RGL3: variants seen among roughly 807,000 people sequenced by gnomAD.
The protein encoded by RGL3 is ral guanine nucleotide dissociation stimulator like 3, also known as ral guanine nucleotide dissociation stimulator-like 3.
A neutral mutation model predicts 90.6 loss-of-function variants in RGL3; 85 were observed. The ratio of observed to expected loss-of-function variants is 0.94; its 90% CI spans 0.79 to 1.12. The LOEUF (loss-of-function observed/expected upper bound fraction) is 1.12, where lower values mean the gene tolerates loss of function less well. RGL3 is among the 50% of genes most tolerant of loss of function. The pLI, the probability that RGL3 is intolerant of heterozygous loss-of-function variation, is 0.00. For synonymous variants in RGL3, 408 were observed against 385.5 expected, an observed-to-expected ratio of 1.06 and a Z score of -0.68; for missense variants, 1,034 against 939.2, an observed-to-expected ratio of 1.10 and a Z score of -1.32.
chr19:11,395,637 C>A (rs1041211237), intron 18 of RGL3, among the ~76,000 whole-genome samples: 1 of 151,210 alleles, frequency 6.6e-6, no homozygotes, highest in Non-Finnish European at 1.5e-5. Context: ...TCTATTTTTT[C>A]TTTTTTTTTG....
rs1015232392 is a variant in RGL3 at position 11,406,531 on chromosome 19, A to G, written c.884T>C (p.Val295Ala). 6.4e-6 allele frequency: 10 copies of G among 1,550,540 alleles called. No homozygotes were observed. The highest frequency in any genetic ancestry group is 1.7e-4 in the Middle Eastern group (1 of 5,882). ...GCCGGTCACGGTGTTGAACTGGGCCACGGTGGCGCGCACAGTGGGGGAGGC... is the reference window on the plus strand; with the variant it reads ...GCCGGTCACGGTGTTGAACTGGGCCGCGGTGGCGCGCACAGTGGGGGAGGC... ...AGASPTVRATVAQFNTVTGCV... is the reference protein window; with the variant it reads ...AGASPTVRATAAQFNTVTGCV... Residue 295 changes from valine to alanine, a missense_variant, in exon 7 of 19, where the codon GTG becomes GCG. Transcript: ENST00000380456.
chr19:11,418,610 C>T (rs371834120), intron 2 of RGL3, 61 bp downstream of exon 2: 1 of 1,362,140 alleles, frequency 7.3e-7, no homozygotes, highest in Non-Finnish European at 1.0e-6. Context: ...GCTCGGCTCT[C>T]CAGCTCCGCC....
chr19:11,395,720 T>C (rs1968552840), intron 18 of RGL3, among the ~76,000 whole-genome samples: 1 of 151,922 alleles, frequency 6.6e-6, no homozygotes, highest in African/African-American at 2.4e-5. Flanking sequence ...CTTCACCTCC[T>C]GGGTTCAAGT....
In RGL3 at chr19:11,397,293, C is replaced by T; in HGVS notation, c.1965G>A (p.Gln655=). The T allele has an allele frequency of 6.2e-7, 1 of 1,613,382 alleles. No individual in the cohort carries two copies. The highest frequency in any genetic ancestry group is 1.1e-5 in the South Asian group (1 of 90,992). The change falls in exon 18 of 19, where the codon CAG becomes CAA. Residue 655 remains glutamine (Q), a synonymous_variant. Coordinates refer to ENST00000380456, the MANE Select transcript of RGL3 (RefSeq NM_001035223.4). ...AGAGCTGATAGTCACAGGCCCAGGG[C>T]TGGGGCACATTGTGCTTCTGCAAGG... The part of the protein sequence containing the change: ...RRALQKHNVP[Q]PWACDYQLFQ...
In RGL3 at chr19:11,397,322, G is replaced by C; in HGVS notation, c.1936C>G (p.Arg646Gly). ...GGCACATTGTGCTTCTGCAAGGCTC[G>C]CCGGACCACGCTGGGGGCTTTGTCC... is the stretch of plus-strand genomic sequence containing the variant. The part of the protein sequence containing the change: ...SQDKAPSVVR[R>G]ALQKHNVPQP... The change falls in exon 18 of 19, where the codon CGA (arginine) becomes GGA (glycine). Residue 646 changes from arginine (R) to glycine (G), a missense_variant. By Grantham distance (125) the Arg-to-Gly change is moderately radical (BLOSUM62 -2). Transcript: ENST00000380456. The C allele has an allele frequency of 6.2e-7, 1 of 1,609,666 alleles. No individual in the cohort carries two copies.
Position 11,402,144 on chromosome 19 carries a change from G to T in RGL3, c.1363-12C>A, listed in dbSNP as rs767064182. ...AGGATCTCCCACTCCTGGAGGACGA[G>T]CCTCTAAGACCCTACCCCTGCCCCA... On this transcript the variant is annotated splice_polypyrimidine_tract_variant and intron_variant, in intron 12 of 18. Coordinates refer to ENST00000380456, the MANE Select transcript of RGL3 (RefSeq NM_001035223.4). 1 of 1,611,322 alleles carries T rather than the reference G, an allele frequency of 6.2e-7. No homozygotes were observed. The highest frequency in any genetic ancestry group is 8.5e-7 in the Non-Finnish European group (1 of 1,178,880).
At chr19:11,399,820 G>A (rs1017195297) in intron 16 of RGL3, 35 bp downstream of exon 16, 8 of 1,229,036 alleles carry the variant, frequency 6.5e-6, no homozygotes, top group East Asian at 2.5e-5. Flanking sequence ...CTGGGTGCCC[G>A]CAGGCCCGCA....
At position 11,402,520 on chromosome 19, in the gene RGL3, G is replaced by C. The variant is rs1968698011; in HGVS notation, c.1264C>G (p.Pro422Ala). ...LPSKPPPGPVPYLGTFLTDLV... is the reference protein window; with the variant it reads ...LPSKPPPGPVAYLGTFLTDLV... Reference sequence around the variant, plus strand: ...TCCGTAAGGAAGGTGCCAAGGTAGGGGACAGGGCCTGGGGGTGGTTTCTGC... The same window carrying C: ...TCCGTAAGGAAGGTGCCAAGGTAGGCGACAGGGCCTGGGGGTGGTTTCTGC... The change falls in exon 11 of 19, where the codon CCC becomes GCC. Residue 422 changes from proline (P) to alanine (A), a missense_variant. Pro to Ala is a conservative substitution (Grantham distance 27, BLOSUM62 -1). Coordinates refer to ENST00000380456, the MANE Select transcript of RGL3 (RefSeq NM_001035223.4). The C allele has an allele frequency of 1.2e-6, 2 of 1,605,382 alleles. No individual in the cohort carries two copies. The highest frequency in any genetic ancestry group is 2.7e-5 in the African/African-American group (2 of 74,210).
At chr19:11,395,515 G>A (rs567527324) in intron 18 of RGL3, among the ~76,000 whole-genome samples, 2 of 152,182 alleles carry the variant, frequency 1.3e-5, no homozygotes, top group Non-Finnish European at 2.9e-5. Flanking sequence ...TCTAAGCCCA[G>A]ATGCCCTTTA....
At chr19:11,413,937 G>T (rs1264559867) in intron 5 of RGL3, among the ~76,000 whole-genome samples, 1 of 147,894 alleles carries the variant, frequency 6.8e-6, no homozygotes, top group Admixed American at 6.8e-5. Flanking sequence ...TAGTAGAGAC[G>T]GGGTTTCACC....
chr19:11,398,639 C>T (rs928534273), intron 16 of RGL3, among the ~76,000 whole-genome samples: 30 of 151,848 alleles, frequency 2.0e-4, no homozygotes, highest in African/African-American at 6.3e-4. Context: ...AGCTACCATG[C>T]CCAGCCTTCA....
chr19:11,414,658 T>C (rs1968963256), intron 5 of RGL3, among the ~76,000 whole-genome samples: 1 of 150,584 alleles, frequency 6.6e-6, no homozygotes, highest in Non-Finnish European at 1.5e-5. Context: ...GGGATAGAGA[T>C]GCTTTTGTGA....
intron 5 of RGL3, among the ~76,000 whole-genome samples, chr19:11,410,766 T>A (rs914237446): frequency 2.0e-5 from 3 of 151,898 alleles, no homozygotes; most frequent in African/African-American, 7.3e-5. Flanking sequence ...ACAGCAATTA[T>A]GGGGATAGAG....
chr19:11,395,549 C>G (rs750272597), intron 18 of RGL3, among the ~76,000 whole-genome samples: 1 of 152,188 alleles, frequency 6.6e-6, no homozygotes, highest in Non-Finnish European at 1.5e-5. Flanking sequence ...TCAGGTTGAG[C>G]CTGAACAATC....
rs754242004 is a variant in RGL3 at position 11,402,421 on chromosome 19, G to GCTGGGGTCAGGGGT, written c.1329+20_1329+33dup. ...GCCCATTGTGCTGGGGGCAAGTGGA[G>GCTGGGGTCAGGGGT]CTGGGGTCAGGGGTCAAGGGTCAGG... On this transcript the variant is annotated intron_variant, in intron 11 of 18. Coordinates refer to ENST00000380456, the MANE Select transcript of RGL3 (RefSeq NM_001035223.4). 3 of 1,586,644 alleles carry GCTGGGGTCAGGGGT rather than the reference G, an allele frequency of 1.9e-6. No individual in the cohort carries two copies. The African/African-American group carries it at 4.1e-5, about 21-fold the overall frequency.
intron 16 of RGL3, among the ~76,000 whole-genome samples, chr19:11,399,387 C>T (rs1455862628): frequency 6.6e-6 from 1 of 151,918 alleles, no homozygotes; most frequent in Non-Finnish European, 1.5e-5. Context: ...GGCAACATGG[C>T]GAAACCTCAT....
chr19:11,394,581 G>T, intron 18 of RGL3, 61 bp from the exon 19 acceptor site: 2 of 1,314,510 alleles, frequency 1.5e-6, no homozygotes, highest in South Asian at 1.2e-5. Flanking sequence ...CCCCACAGAG[G>T]ACCCGGGAGC....
chr19:11,414,279 TTA>T (rs1336547216), intron 5 of RGL3, among the ~76,000 whole-genome samples: 10 of 83,670 alleles, frequency 1.2e-4, no homozygotes, highest in South Asian at 4.2e-4. Flanking sequence ...ATATATACCT[TTA>T]TATATATATA....
chr19:11,411,834 C>G (rs946708934), intron 5 of RGL3, among the ~76,000 whole-genome samples: 2 of 152,174 alleles, frequency 1.3e-5, no homozygotes, highest in African/African-American at 4.8e-5. Context: ...AGGCTAGTCT[C>G]AATCTCCTGG....
Sources: allele counts gnomAD v4.1 joint callset (sites outside exome capture counted in the v4.1 genomes callset), GRCh38; gene constraint gnomAD v4.1.1; transcripts MANE v1.5; gene names NCBI Gene and HGNC (gene_info 2026-07-23, HGNC 2026-07-21).